Variants in ARMC6 observed in about 807,000 individuals in gnomAD.
ARMC6 encodes armadillo repeat containing 6.
In ARMC6, 43 loss-of-function variants were observed where a neutral mutation model predicts 49.2. That is an observed-to-expected ratio of 0.87 (90% confidence interval 0.69 to 1.13). ARMC6 has a LOEUF of 1.13. ARMC6 is among the 50% of genes most tolerant of loss of function. The pLI, the probability that ARMC6 is intolerant of heterozygous loss-of-function variation, is 0.00. For missense variants in ARMC6, 627 were observed against 682.0 expected (o/e 0.92, Z 0.90); for synonymous variants, 262 against 289.6 (o/e 0.90, Z 0.97).
intron 4 of ARMC6, among the ~76,000 whole-genome samples, chr19:19,045,572 C>G (rs1247069138): frequency 7.1e-6 from 1 of 140,108 alleles, no homozygotes; most frequent in Non-Finnish European, 1.5e-5. Flanking sequence ...ACTGCAACCT[C>G]TGCCTCTTGG....
rs2059533081 is a variant in ARMC6, at chr19:19,055,217, C to G, written c.1024-48C>G. 1 of 1,535,922 alleles carries G rather than the reference C, an allele frequency of 6.5e-7. No individual in the cohort carries two copies. Among genetic ancestry groups the G allele is most frequent in the African/African-American group, 1.4e-5 (1 of 72,422 alleles). On this transcript the variant is annotated intron_variant, in intron 6 of 8. Transcript: ENST00000535612. This position sits in a 1 kb window ranked among gnomAD's most constrained non-coding sequence, Gnocchi z 5.7. ...CACATTCTCCCTCAGAGCCCTCTCC[C>G]ACAACCAGCGGCCTGGCTGGAGGTG... is the stretch of plus-strand genomic sequence containing the variant.
intron 4 of ARMC6, among the ~76,000 whole-genome samples, chr19:19,046,262 T>C (rs893683015): frequency 6.6e-6 from 1 of 151,376 alleles, no homozygotes; most frequent in Non-Finnish European, 1.5e-5. Flanking sequence ...AGTGGCGTGA[T>C]CTTGGCTCAC....
chr19:19,040,363 T>C (rs2059402039), intron 2 of ARMC6, among the ~76,000 whole-genome samples: 2 of 152,186 alleles, frequency 1.3e-5, no homozygotes, highest in Admixed American at 6.6e-5. Flanking sequence ...AAGCAGAACT[T>C]TTCCTCATCC....
chr19:19,037,804 G>A, intron 2 of ARMC6: 2 of 625,830 alleles, frequency 3.2e-6, no homozygotes, highest in Non-Finnish European at 4.4e-6. Context: ...AAGGGACGGT[G>A]GCAAATGTTA....
intron 4 of ARMC6, among the ~76,000 whole-genome samples, chr19:19,045,169 CCTGA>C (rs2059439166): frequency 6.6e-6 from 1 of 152,072 alleles, no homozygotes; most frequent in Admixed American, 6.6e-5. Flanking sequence ...CGCCACCACA[CCTGA>C]CTAATTTTTT....
Position 19,052,135 on chromosome 19 carries a change from C to G in ARMC6, c.793C>G (p.His265Asp). Reference sequence around the variant, plus strand: ...TGTGCCCTTTGGCCATGCCCACAACCATGCCAAGATGATTGTGCAGGAGAA... The same window carrying G: ...TGTGCCCTTTGGCCATGCCCACAACGATGCCAAGATGATTGTGCAGGAGAA... ...IRVPFGHAHN[H>D]AKMIVQENKG... The change falls in exon 5 of 9, where the codon CAT becomes GAT. Residue 265 changes from histidine (H) to aspartate (D), a missense_variant. Coordinates refer to ENST00000535612, the MANE Select transcript of ARMC6 (RefSeq NM_001199196.2). 1 of 1,613,718 alleles carries G rather than the reference C, an allele frequency of 6.2e-7. No homozygotes were observed. Among genetic ancestry groups the G allele is most frequent in the Non-Finnish European group, 8.5e-7 (1 of 1,179,926 alleles).
chr19:19,037,498 C>A, intron 2 of ARMC6: 2 of 450,352 alleles, frequency 4.4e-6, no homozygotes. Context: ...TCCCAAATAG[C>A]TGTAACTACA....
chr19:19,055,262 C>T lies in ARMC6; in HGVS notation c.1024-3C>T. ...GAGGTGAGCGGGCCTTTCCCTTGTG[C>T]AGGAGCTCGTGAAGCAAGTGCTGAG... On this transcript the variant is annotated splice_region_variant and splice_polypyrimidine_tract_variant and intron_variant, in intron 6 of 8. Coordinates refer to ENST00000535612, the MANE Select transcript of ARMC6 (RefSeq NM_001199196.2). The surrounding 1 kb of genome is among the most constrained non-coding windows in gnomAD (Gnocchi z 5.7). 1 of 1,593,310 alleles carries T rather than the reference C, an allele frequency of 6.3e-7. No individual in the cohort carries two copies. The highest frequency in any genetic ancestry group is 8.5e-7 in the Non-Finnish European group (1 of 1,169,710).
intron 2 of ARMC6, chr19:19,037,823 C>T (rs866426286): frequency 2.4e-4 from 108 of 456,038 alleles, no homozygotes; most frequent in African/African-American, 1.2e-3. Context: ...TAGGTTCACT[C>T]GTACCCTGTC....
rs2059538206 is a variant in ARMC6 at position 19,055,711 on chromosome 19, C to G, written c.1156-80C>G. 6.7e-7 allele frequency: 1 copy of G among 1,502,708 alleles called. No homozygotes were observed. Among genetic ancestry groups the G allele is most frequent in the Non-Finnish European group, 8.9e-7 (1 of 1,120,762 alleles). 93.1% of individuals were successfully genotyped at this position (1,502,708 alleles called of 1,614,324 possible). On this transcript the variant is annotated intron_variant, in intron 7 of 8. Coordinates refer to ENST00000535612, the MANE Select transcript of ARMC6 (RefSeq NM_001199196.2). The surrounding 1 kb of genome is among the most constrained non-coding windows in gnomAD (Gnocchi z 5.7). ...CGGAGGGGAGGCCGCAGGGTGTTCA[C>G]CAGGGGTTGGTGGCCATGGCAGGAT...
chr19:19,057,204 G>T (rs1460940392), intron 8 of ARMC6, among the ~76,000 whole-genome samples: 1 of 152,268 alleles, frequency 6.6e-6, no homozygotes, highest in African/African-American at 2.4e-5. Context: ...GCTTCCCTGA[G>T]CCTGTTTCCT....
At chr19:19,049,192 A>G (rs1166105135) in intron 4 of ARMC6, among the ~76,000 whole-genome samples, 2 of 151,320 alleles carry the variant, frequency 1.3e-5, no homozygotes, top group Non-Finnish European at 2.9e-5. Context: ...AGCTGACTAC[A>G]TGGTGTGAGC....
At chr19:19,035,940 C>T (rs1320751947) in intron 2 of ARMC6, among the ~76,000 whole-genome samples, 2 of 152,114 alleles carry the variant, frequency 1.3e-5, no homozygotes, top group South Asian at 2.1e-4. Context: ...CAAATGATTG[C>T]TTTCTTTTGA....
Position 19,055,857 on chromosome 19 carries a change from A to G in ARMC6, c.1222A>G (p.Ile408Val). ...GCGTAAGCCCGACAACAGCCGCATC[A>G]TCGTGGAGGGTGGCGGGGCTGTGGC... ...ALRKPDNSRIIVEGGGAVAAL... is the reference protein window; with the variant it reads ...ALRKPDNSRIVVEGGGAVAAL... Residue 408 changes from isoleucine (I) to valine (V), a missense_variant, in exon 8 of 9, where the codon ATC becomes GTC. By Grantham distance (29) the Ile-to-Val change is conservative (BLOSUM62 3). Coordinates refer to ENST00000535612, the MANE Select transcript of ARMC6 (RefSeq NM_001199196.2). This position sits in a 1 kb window ranked among gnomAD's most constrained non-coding sequence, Gnocchi z 5.7. 6.2e-7 allele frequency: 1 copy of G among 1,612,954 alleles called. No homozygotes were observed. The highest frequency in any genetic ancestry group is 8.5e-7 in the Non-Finnish European group (1 of 1,179,370).
chr19:19,050,409 G>T (rs1006548917), intron 4 of ARMC6, among the ~76,000 whole-genome samples: 4 of 152,146 alleles, frequency 2.6e-5, no homozygotes. Flanking sequence ...TGAGATGAAT[G>T]CTCCGTATGT....
chr19:19,043,871 C>T (rs1369186973), intron 3 of ARMC6, 121 bp from the exon 4 acceptor site: 2 of 826,742 alleles, frequency 2.4e-6, no homozygotes, highest in African/African-American at 1.7e-5. Context: ...AGGTGGGAGG[C>T]TTCTGGAGTG....
chr19:19,035,097 C>T (rs1410222944), intron 2 of ARMC6, among the ~76,000 whole-genome samples: 1 of 152,196 alleles, frequency 6.6e-6, no homozygotes, highest in Non-Finnish European at 1.5e-5. Context: ...ATCTCCTGAC[C>T]TCATGATCCG....
intron 3 of ARMC6, 80 bp downstream of exon 3, chr19:19,042,957 C>T (rs1460508598): frequency 6.5e-7 from 1 of 1,546,668 alleles, no homozygotes; most frequent in East Asian, 2.3e-5. Context: ...CCCCGCCCCA[C>T]TGGGGGTGCC....
At position 19,034,246 on chromosome 19, in the gene ARMC6, T is replaced by C. The variant is rs777549350; in HGVS notation, c.29+8T>C. The C allele has an allele frequency of 2.7e-5, 43 of 1,593,868 alleles. No individual in the cohort carries two copies. The South Asian group carries it at 4.3e-4, about 16-fold the overall frequency. On this transcript the variant is annotated splice_region_variant and intron_variant, in intron 2 of 8. Transcript: ENST00000535612. Reference sequence around the variant, plus strand: ...ATGTTGCTCTAGATACAGGTAATGGTGTGCAAATAATAACAGAGTGATGGG... The same window carrying C: ...ATGTTGCTCTAGATACAGGTAATGGCGTGCAAATAATAACAGAGTGATGGG...
Sources: gnomAD v4.1 joint callset for allele counts (sites outside exome capture counted in the v4.1 genomes callset) on GRCh38, gnomAD v4.1.1 for gene constraint, Gnocchi (gnomAD v3.1) non-coding constraint, MANE v1.5 for transcripts, NCBI Gene and HGNC (gene_info 2026-07-23, HGNC 2026-07-21) for gene names.